TSPEAR: variants seen among roughly 807,000 people sequenced by gnomAD.
TSPEAR encodes thrombospondin-type laminin G domain and EAR repeat-containing protein.
TSPEAR carries 69 observed loss-of-function variants against 71.6 expected under a neutral mutation model. The observed-to-expected ratio is 0.96, with a 90% CI of 0.79 to 1.18. TSPEAR has a LOEUF of 1.18. Among genes scored for constraint, TSPEAR ranks in the 50% most tolerant of loss-of-function variants. The pLI, the probability that TSPEAR is intolerant of heterozygous loss-of-function variation, is 0.00. For synonymous variants in TSPEAR, 402 were observed against 387.2 expected (o/e 1.04, Z -0.45); for missense variants, 971 against 894.9 (o/e 1.09, Z -1.09).
chr21:44,581,687 A>ACC (rs1978982133), intron 1 of TSPEAR, among the ~76,000 whole-genome samples: 1 of 1,714 alleles, frequency 5.8e-4, no homozygotes, highest in Non-Finnish European at 1.9e-3. Context: ...CTTAAAAATA[A>ACC]CTCATCTCTC....
Position 44,499,800 on chromosome 21 carries a change from G to A in TSPEAR, c.1993C>T (p.Arg665Trp), listed in dbSNP as rs782453883. The change falls in exon 12 of 12, where the codon CGG becomes TGG. Residue 665 changes from arginine (R) to tryptophan (W), a missense_variant. Transcript: ENST00000323084. ...CCGCGGCCTCAGCGTGTCCTCAGCC[G>A]CAGGACCCTGGAGAGGGGCTCCTTG... ...SAKEPLSRVL[R>W]LRTR The A allele has an allele frequency of 2.5e-5, 40 of 1,572,396 alleles. No individual in the cohort carries two copies. The highest frequency in any genetic ancestry group is 1.1e-4 in the African/African-American group (8 of 73,826).
intron 1 of TSPEAR, among the ~76,000 whole-genome samples, chr21:44,575,546 G>C (rs879987955): frequency 1.3e-5 from 2 of 152,198 alleles, no homozygotes; most frequent in Non-Finnish European, 2.9e-5. Flanking sequence ...GCAGCCCTTT[G>C]GCCATTTCGG....
intron 6 of TSPEAR, among the ~76,000 whole-genome samples, chr21:44,528,020 G>T (rs2052891673): frequency 6.6e-6 from 1 of 152,174 alleles, no homozygotes; most frequent in African/African-American, 2.4e-5. Context: ...TGTGGGCAGA[G>T]GCGGCAGCCG....
At chr21:44,511,120 A>G (rs1302963528) in intron 9 of TSPEAR, 1 of 152,220 alleles carries the variant, frequency 6.6e-6, no homozygotes, top group South Asian at 2.1e-4. Context: ...GACTCAGCAG[A>G]AGAGAAACAG....
intron 1 of TSPEAR, among the ~76,000 whole-genome samples, chr21:44,700,427 G>A (rs1555951371): frequency 6.6e-6 from 1 of 152,162 alleles, no homozygotes; most frequent in Non-Finnish European, 1.5e-5. Context: ...AAGGACGGGA[G>A]AGAGGAGGCC....
intron 1 of TSPEAR, among the ~76,000 whole-genome samples, chr21:44,707,400 G>A (rs1179428402): frequency 2.0e-5 from 3 of 152,230 alleles, no homozygotes; most frequent in African/African-American, 7.2e-5. Flanking sequence ...CGCAGGGAGG[G>A]GCAGAGGAGG....
intron 1 of TSPEAR, chr21:44,667,025 G>T: frequency 2.0e-6 from 2 of 1,009,678 alleles, no homozygotes; most frequent in Non-Finnish European, 2.9e-6. Context: ...CTTCCTCAGT[G>T]CTGTCTCCTG....
intron 1 of TSPEAR, chr21:44,592,611 G>T: frequency 7.0e-7 from 1 of 1,419,234 alleles, no homozygotes; most frequent in Non-Finnish European, 9.4e-7. Context: ...CCGAGAGCTG[G>T]AGTCTGCCGG....
At chr21:44,511,346 T>C (rs1296061277) in intron 9 of TSPEAR, among the ~76,000 whole-genome samples, 1 of 151,912 alleles carries the variant, frequency 6.6e-6, no homozygotes, top group Non-Finnish European at 1.5e-5. Context: ...CACACAAACA[T>C]GCATATGCAC....
At chr21:44,653,113 A>T (rs1984912467) in intron 1 of TSPEAR, among the ~76,000 whole-genome samples, 1 of 152,110 alleles carries the variant, frequency 6.6e-6, no homozygotes, top group Non-Finnish European at 1.5e-5. Context: ...AGCTGAGATC[A>T]CGCCGCTGCA....
At chr21:44,521,646 C>A (rs2052736769) in intron 9 of TSPEAR, among the ~76,000 whole-genome samples, 1 of 152,244 alleles carries the variant, frequency 6.6e-6, no homozygotes, top group Non-Finnish European at 1.5e-5. Context: ...TATTTCCAGG[C>A]ACCTGGACTG....
intron 1 of TSPEAR, among the ~76,000 whole-genome samples, chr21:44,599,745 A>G (rs782053199): frequency 4.6e-5 from 7 of 152,378 alleles, no homozygotes; most frequent in Middle Eastern, 6.8e-3. Flanking sequence ...GAAGAAATGG[A>G]GACTTAGATC....
chr21:44,603,136 C>T (rs782715160), intron 1 of TSPEAR, among the ~76,000 whole-genome samples: 1 of 152,122 alleles, frequency 6.6e-6, no homozygotes, highest in Non-Finnish European at 1.5e-5. Flanking sequence ...GCGCCTGCAA[C>T]GAGCTGTCCC....
At chr21:44,694,792 C>G (rs1477958415) in intron 1 of TSPEAR, among the ~76,000 whole-genome samples, 4 of 152,170 alleles carry the variant, frequency 2.6e-5, no homozygotes, top group Non-Finnish European at 5.9e-5. Flanking sequence ...TGCTGAGTCT[C>G]AGAAAAGTGG....
intron 1 of TSPEAR, among the ~76,000 whole-genome samples, chr21:44,615,280 G>A (rs1028683088): frequency 2.4e-4 from 37 of 152,382 alleles, no homozygotes; most frequent in Admixed American, 1.8e-3. Context: ...CACGAGGGCC[G>A]TGCGCTCACC....
chr21:44,677,150 G>A lies in TSPEAR; in HGVS notation c.82+34283C>T, dbSNP rs925688040. The A allele has an allele frequency of 8.4e-6, 6 of 715,342 alleles. No individual in the cohort carries two copies. The African/African-American group carries it at 1.0e-4, about 12-fold the overall frequency. The allele number at this position is 715,342 out of a possible 1,614,324, so 44.3% of individuals were successfully genotyped here. On this transcript the variant is annotated intron_variant, in intron 1 of 11. Coordinates refer to ENST00000323084, the MANE Select transcript of TSPEAR (RefSeq NM_144991.3). ...TCCAGATCAACTATCATGTTGTGAA[G>A]TTTATATGAGGCTTGGCCCCAGCAA...
At chr21:44,666,271 A>G (rs1471732428) in intron 1 of TSPEAR, 2 of 805,138 alleles carry the variant, frequency 2.5e-6, no homozygotes, top group Non-Finnish European at 3.8e-6. Context: ...GGGGATGGGC[A>G]AGGTCAGCAA....
chr21:44,564,705 A>G (rs1318591184), intron 2 of TSPEAR, among the ~76,000 whole-genome samples: 1 of 152,194 alleles, frequency 6.6e-6, no homozygotes, highest in Non-Finnish European at 1.5e-5. Flanking sequence ...CAACACCGTA[A>G]TTTCAACAAA....
chr21:44,616,642 C>T lies in TSPEAR; in HGVS notation c.83-48637G>A, dbSNP rs369291197. Among the ~76,000 whole-genome samples, 8 of 152,340 alleles carry T rather than the reference C, an allele frequency of 5.3e-5. 1 individual carries two copies. The highest frequency in any genetic ancestry group is 1.3e-4 in the Admixed American group (2 of 15,302). Reference sequence around the variant, plus strand: ...AGCCTGGCTTTGTTTACCTGGAACCCGAGACCCTGCCCTGGTCAGCACCCA... The same window carrying T: ...AGCCTGGCTTTGTTTACCTGGAACCTGAGACCCTGCCCTGGTCAGCACCCA... On this transcript the variant is annotated intron_variant, in intron 1 of 11. Coordinates refer to ENST00000323084, the MANE Select transcript of TSPEAR (RefSeq NM_144991.3).
Sources: allele counts gnomAD v4.1 joint callset (sites outside exome capture counted in the v4.1 genomes callset), GRCh38; gene constraint gnomAD v4.1.1; transcripts MANE v1.5; gene names NCBI Gene and HGNC (gene_info 2026-07-23, HGNC 2026-07-21).